GOLM1: variants seen among roughly 807,000 people sequenced by gnomAD.
GOLM1 encodes epididymis luminal protein 46.
Under a neutral mutation model 50.5 loss-of-function variants are expected in GOLM1, and 31 were observed. That is an observed-to-expected ratio of 0.61 (90% confidence interval 0.46 to 0.83). The LOEUF is 0.83. Among genes scored for constraint, GOLM1 ranks in the 40% least tolerant of loss-of-function variants. The pLI, the probability that GOLM1 is intolerant of heterozygous loss-of-function variation, is 0.00. For synonymous variants in GOLM1, 178 were observed against 192.8 expected, an observed-to-expected ratio of 0.92 and a Z score of 0.64; for missense variants, 491 against 501.3, an observed-to-expected ratio of 0.98 and a Z score of 0.20.
At chr9:86,053,533 ACCAAAC>A (rs2118740868) in intron 3 of GOLM1, among the ~76,000 whole-genome samples, 1 of 120,062 alleles carries the variant, frequency 8.3e-6, no homozygotes, top group Non-Finnish European at 1.8e-5. Context: ...ACCACTCCAC[ACCAAAC>A]CACACCAAAC....
chr9:86,077,688 C>A, intron 2 of GOLM1, 97 bp from the exon 3 acceptor site: 2 of 793,224 alleles, frequency 2.5e-6, no homozygotes, highest in Non-Finnish European at 4.3e-6. Context: ...GGGCCCAGGG[C>A]CAGCACCAGT....
chr9:86,030,320 T>C (rs1350731965), intron 9 of GOLM1, among the ~76,000 whole-genome samples: 4 of 151,420 alleles, frequency 2.6e-5, no homozygotes, highest in Admixed American at 2.6e-4. Flanking sequence ...CAACAGAGAG[T>C]TTGTATTTGC....
At chr9:86,088,510 C>G (rs1036771677) in intron 1 of GOLM1, among the ~76,000 whole-genome samples, 21 of 141,030 alleles carry the variant, frequency 1.5e-4, no homozygotes, top group African/African-American at 5.4e-4. Context: ...TTATGTAATG[C>G]CCTTTTTAAA....
At position 86,036,468 on chromosome 9, in the gene GOLM1, C is replaced by G; in HGVS notation, c.637G>C (p.Ala213Pro). The change falls in exon 7 of 10, where the codon GCA becomes CCA. Residue 213 changes from alanine (A) to proline (P), a missense_variant. Coordinates refer to ENST00000388712, the MANE Select transcript of GOLM1 (RefSeq NM_016548.4). ...LSEPQPRLQA[A>P]GLPHTEVPQG... ...GGCACCTCTGTGTGTGGCAGGCCTG[C>G]TGCCTGCAGCCTGGGCTGAGGCTCA... The G allele has an allele frequency of 6.2e-7, 1 of 1,613,916 alleles. No homozygotes were observed. The highest frequency in any genetic ancestry group is 8.5e-7 in the Non-Finnish European group (1 of 1,179,928).
chr9:86,057,172 C>G (rs1485836517), intron 3 of GOLM1, among the ~76,000 whole-genome samples: 5 of 152,046 alleles, frequency 3.3e-5, no homozygotes, highest in Non-Finnish European at 7.4e-5. Context: ...GGTGAATTAC[C>G]CATGTACAAA....
chr9:86,033,220 G>A (rs780994776), intron 9 of GOLM1, 62 bp downstream of exon 9: 35 of 911,308 alleles, frequency 3.8e-5, no homozygotes, highest in Non-Finnish European at 5.7e-5. Context: ...GATAATCACG[G>A]TGAAGGACCA....
rs1833546307 is a variant in GOLM1, at chr9:86,046,455, C to A, written c.467+15G>T. The A allele has an allele frequency of 6.6e-7, 1 of 1,507,836 alleles. No individual in the cohort carries two copies. The highest frequency in any genetic ancestry group is 1.1e-5 in the South Asian group (1 of 88,834). 93.4% of individuals were successfully genotyped at this position (1,507,836 alleles called of 1,614,324 possible). On this transcript the variant is annotated intron_variant, in intron 5 of 9. Transcript: ENST00000388712. ...TGCACCCTGCACTGTGGCACGCGCTCTGAGGTGTACTCACAGGTCGTAGGA... is the reference window on the plus strand; with the variant it reads ...TGCACCCTGCACTGTGGCACGCGCTATGAGGTGTACTCACAGGTCGTAGGA...
intron 3 of GOLM1, among the ~76,000 whole-genome samples, chr9:86,076,421 C>CAAAAAAAAAAAAAAAAA (rs58193076): frequency 8.6e-5 from 2 of 23,324 alleles, no homozygotes; most frequent in African/African-American, 1.2e-4. Flanking sequence ...AACCCCATCT[C>CAAAAAAAAAAAAAAAAA]AAAAAAAAAA....
At chr9:86,097,653 A>G (rs117022662) in intron 1 of GOLM1, among the ~76,000 whole-genome samples, 5 of 152,246 alleles carry the variant, frequency 3.3e-5, no homozygotes, top group Non-Finnish European at 7.4e-5. Context: ...TCTTCTTCTC[A>G]GCACACCTGC....
intron 4 of GOLM1, among the ~76,000 whole-genome samples, chr9:86,050,421 G>A (rs988484545): frequency 9.2e-5 from 14 of 152,178 alleles, no homozygotes; most frequent in African/African-American, 3.4e-4. Flanking sequence ...CTATTGATTA[G>A]AATAGTTTCA....
intron 9 of GOLM1, among the ~76,000 whole-genome samples, chr9:86,032,509 G>A (rs1833016710): frequency 6.6e-6 from 1 of 152,106 alleles, no homozygotes; most frequent in Non-Finnish European, 1.5e-5. Flanking sequence ...AGTCCATAGT[G>A]ATACCAAAAC....
At chr9:86,057,470 G>A (rs1282881762) in intron 3 of GOLM1, among the ~76,000 whole-genome samples, 1 of 151,956 alleles carries the variant, frequency 6.6e-6, no homozygotes, top group Non-Finnish European at 1.5e-5. Context: ...AGGAGTGTTT[G>A]GGAGGAGTGC....
intron 3 of GOLM1, among the ~76,000 whole-genome samples, chr9:86,057,505 A>G (rs1834027305): frequency 6.6e-6 from 1 of 152,010 alleles, no homozygotes; most frequent in Non-Finnish European, 1.5e-5. Flanking sequence ...CTGTGGGCTC[A>G]CCCGAGCCGG....
chr9:86,068,230 G>C (rs1465023246), intron 3 of GOLM1, among the ~76,000 whole-genome samples: 1 of 152,152 alleles, frequency 6.6e-6, no homozygotes, highest in East Asian at 1.9e-4. Context: ...AAAGGTGTCA[G>C]CAAACACTAG....
intron 3 of GOLM1, among the ~76,000 whole-genome samples, chr9:86,074,801 G>A (rs989643276): frequency 1.3e-5 from 2 of 152,078 alleles, no homozygotes; most frequent in African/African-American, 4.8e-5. Context: ...GCCTGTCATC[G>A]TTCTCCTTCC....
intron 3 of GOLM1, among the ~76,000 whole-genome samples, chr9:86,063,272 A>G (rs1296848266): frequency 6.6e-6 from 1 of 152,230 alleles, no homozygotes; most frequent in African/African-American, 2.4e-5. Context: ...GCCCTGTGCA[A>G]GGGCTGGAGG....
chr9:86,077,392 G>A lies in GOLM1; in HGVS notation c.309+20C>T. ...ACCATCCCTTAGAAAAGAACTGAGAGGAAACAAAGCAGGCCTTGCCTTTTC... is the reference window on the plus strand; with the variant it reads ...ACCATCCCTTAGAAAAGAACTGAGAAGAAACAAAGCAGGCCTTGCCTTTTC... On this transcript the variant is annotated intron_variant, in intron 3 of 9. Coordinates refer to ENST00000388712, the MANE Select transcript of GOLM1 (RefSeq NM_016548.4). 1 of 1,602,856 alleles carries A rather than the reference G, an allele frequency of 6.2e-7. No individual in the cohort carries two copies. Among genetic ancestry groups the A allele is most frequent in the Non-Finnish European group, 8.5e-7 (1 of 1,169,848 alleles).
At chr9:86,042,054 T>G (rs1336442967) in intron 5 of GOLM1, among the ~76,000 whole-genome samples, 2 of 152,104 alleles carry the variant, frequency 1.3e-5, no homozygotes, top group Non-Finnish European at 2.9e-5. Context: ...GAGGCGGAGC[T>G]TGCAGTGAGC....
At chr9:86,089,513 C>T (rs909725476) in intron 1 of GOLM1, among the ~76,000 whole-genome samples, 2 of 152,006 alleles carry the variant, frequency 1.3e-5, no homozygotes, top group Non-Finnish European at 1.5e-5. Flanking sequence ...AGTTGATCTT[C>T]GACCTCTGAT....
Sources: allele counts gnomAD v4.1 joint callset (sites outside exome capture counted in the v4.1 genomes callset), GRCh38; gene constraint gnomAD v4.1.1; transcripts MANE v1.5; gene names NCBI Gene and HGNC (gene_info 2026-07-23, HGNC 2026-07-21).